The following LITAF variants were observed in gnomAD, a reference collection of about 807,000 sequenced individuals.
LITAF encodes the protein lipopolysaccharide-induced tumor necrosis factor-alpha factor.
A neutral mutation model predicts 14.5 loss-of-function variants in LITAF; 9 were observed. That is an observed-to-expected ratio of 0.62 (90% CI 0.37 to 1.08). LITAF has a LOEUF of 1.08. Ranked by LOEUF, LITAF falls within the 50% of genes least tolerant of loss-of-function variation. The probability of loss-of-function intolerance (pLI) is 0.01; values close to 1 mark genes in which losing one functional copy is unlikely to be tolerated. For synonymous variants in LITAF, 98 were observed against 88.2 expected (o/e 1.11, Z -0.62); for missense variants, 206 against 213.4 (o/e 0.97, Z 0.22).
At chr16:11,611,356 T>C (rs1020288031) in intron 3 of LITAF, among the ~76,000 whole-genome samples, 43 of 152,114 alleles carry the variant, frequency 2.8e-4, no homozygotes, top group African/African-American at 1.0e-3. Flanking sequence ...AACATATATA[T>C]AGGATGCCCA....
At position 11,577,316 on chromosome 16, in the gene LITAF, A is replaced by ATTTT. The variant is rs71136668; in HGVS notation, c.-6+9566_-6+9569dup. On this transcript the variant is annotated intron_variant, in intron 1 of 3. Coordinates refer to ENST00000622633, the MANE Select transcript of LITAF (RefSeq NM_001136472.2). ...TGGCATCAGCTCATTAGAAGTGTCT[A>ATTTT]TTTTTTTTTTTTTTTTTTTGAGACG... Among the ~76,000 whole-genome samples the ATTTT allele has an allele frequency of 2.6e-4, 33 of 128,030 alleles. 1 individual carries two copies. Among genetic ancestry groups the ATTTT allele is most frequent in the Admixed American group, 2.5e-4 (3 of 11,844 alleles). 84.0% of individuals were successfully genotyped at this position (128,030 alleles called of 152,430 possible).
rs1310209699 is a variant in LITAF, at chr16:11,614,608, G to GT, written c.85+18924dup. 9.0e-4 allele frequency among the ~76,000 whole-genome samples: 134 copies of GT among 148,098 alleles called. 1 individual carries two copies. The highest frequency in any genetic ancestry group is 1.5e-3 in the African/African-American group (60 of 40,516). ...AGCCACTGTGCCCAGGCTTTTTCTG[G>GT]TTTTTTTTTAAGATGGGGTCTTACT... is the stretch of plus-strand genomic sequence containing the variant. On this transcript the variant is annotated intron_variant, in intron 3 of 3. Coordinates refer to the LITAF transcript ENST00000574848.
chr16:11,594,818 G>T (rs1001239222), intron 1 of LITAF, among the ~76,000 whole-genome samples: 5 of 151,952 alleles, frequency 3.3e-5, no homozygotes, highest in Non-Finnish European at 7.4e-5. Context: ...GGAGGCTGCA[G>T]TGAGCCAAGA....
At chr16:11,585,752 C>G (rs550558852) in intron 1 of LITAF, among the ~76,000 whole-genome samples, 2 of 152,268 alleles carry the variant, frequency 1.3e-5, no homozygotes, top group African/African-American at 4.8e-5. Flanking sequence ...GTCTTTGAAC[C>G]AGCACCAGTG....
At chr16:11,561,998 A>G (rs1309910265) in intron 1 of LITAF, among the ~76,000 whole-genome samples, 4 of 152,066 alleles carry the variant, frequency 2.6e-5, no homozygotes, top group Non-Finnish European at 4.4e-5. Context: ...AGCTCGCCAC[A>G]GCCTGAAACT....
upstream of LITAF, among the ~76,000 whole-genome samples, chr16:11,639,441 G>A (rs1374669147): frequency 6.6e-6 from 1 of 151,148 alleles, no homozygotes; most frequent in African/African-American, 2.4e-5. Context: ...TGGATGGGTG[G>A]GTGGGATGCA....
chr16:11,629,388 CA>C (rs2065104826), intron 3 of LITAF, among the ~76,000 whole-genome samples: 2 of 152,182 alleles, frequency 1.3e-5, no homozygotes, highest in African/African-American at 4.8e-5. Context: ...AGACAAGGTG[CA>C]GGAGGAAGAA....
intron 3 of LITAF, among the ~76,000 whole-genome samples, chr16:11,550,837 A>C (rs1279051396): frequency 6.6e-6 from 1 of 152,136 alleles, no homozygotes; most frequent in Non-Finnish European, 1.5e-5. Flanking sequence ...TCTCTGTTGC[A>C]ACTGCTCAAC....
At chr16:11,591,844 C>T (rs760329538), upstream of LITAF, among the ~76,000 whole-genome samples, 98 of 152,160 alleles carry the variant, frequency 6.4e-4, no homozygotes, top group Non-Finnish European at 9.3e-4. Context: ...CCACCTTGGC[C>T]TCCCAAAGTG....
chr16:11,561,810 C>CT (rs1233373609), intron 1 of LITAF, among the ~76,000 whole-genome samples: 1 of 145,552 alleles, frequency 6.9e-6, no homozygotes. Context: ...CCCCCCATCC[C>CT]CTCCTTATCA....
intron 1 of LITAF, among the ~76,000 whole-genome samples, chr16:11,566,825 T>C (rs2064458597): frequency 6.6e-6 from 1 of 151,398 alleles, no homozygotes; most frequent in African/African-American, 2.4e-5. Flanking sequence ...GGAGTAGACA[T>C]GAAACAGCAG....
At chr16:11,569,354 C>G (rs1310423094) in intron 1 of LITAF, among the ~76,000 whole-genome samples, 1 of 152,210 alleles carries the variant, frequency 6.6e-6, no homozygotes, top group African/African-American at 2.4e-5. Context: ...GATCCTCCCA[C>G]CTCAGCCTCC....
At chr16:11,552,730 C>T (rs981971989) in intron 3 of LITAF, among the ~76,000 whole-genome samples, 1 of 152,150 alleles carries the variant, frequency 6.6e-6, no homozygotes, top group Non-Finnish European at 1.5e-5. Context: ...GTTCAGAACA[C>T]TGGGGAGCGT....
chr16:11,551,573 C>A, intron 3 of LITAF: 1 of 478,764 alleles, frequency 2.1e-6, no homozygotes. Flanking sequence ...ATAATCCCAG[C>A]ACTTTGGGAG....
At chr16:11,601,856 G>A (rs1415432523), upstream of LITAF, among the ~76,000 whole-genome samples, 1 of 152,186 alleles carries the variant, frequency 6.6e-6, no homozygotes, top group East Asian at 1.9e-4. Context: ...CACCCTGCCT[G>A]GCCTGTGGCT....
chr16:11,556,169 G>T, intron 2 of LITAF: 1 of 448,532 alleles, frequency 2.2e-6, no homozygotes, highest in Non-Finnish European at 3.9e-6. Flanking sequence ...TGGCCTCAGG[G>T]CAGAAGTTCT....
intron 1 of LITAF, among the ~76,000 whole-genome samples, chr16:11,582,119 GTGTT>G (rs940567417): frequency 7.2e-5 from 11 of 152,128 alleles, no homozygotes; most frequent in South Asian, 2.1e-4. Context: ...GAAATGATAA[GTGTT>G]TGAGGTGATG....
intron 1 of LITAF, among the ~76,000 whole-genome samples, chr16:11,574,216 A>C (rs1196772145): frequency 6.6e-6 from 1 of 150,712 alleles, no homozygotes; most frequent in Non-Finnish European, 1.5e-5. Context: ...TAATTTTTTT[A>C]TTTTTTGTAG....
chr16:11,628,965 T>A (rs2065102257), intron 3 of LITAF, among the ~76,000 whole-genome samples: 1 of 152,070 alleles, frequency 6.6e-6, no homozygotes, highest in Non-Finnish European at 1.5e-5. Flanking sequence ...CGTGAGCCAT[T>A]GCTCCCAGCC....
Sources: allele counts gnomAD v4.1 joint callset (sites outside exome capture counted in the v4.1 genomes callset), GRCh38; gene constraint gnomAD v4.1.1; transcripts MANE v1.5; gene names NCBI Gene and HGNC (gene_info 2026-07-23, HGNC 2026-07-21).